Variants in FLT3 observed in about 807,000 individuals in gnomAD.
FLT3 encodes fms related receptor tyrosine kinase 3.
A neutral mutation model predicts 126.6 loss-of-function variants in FLT3; 46 were observed. That is an observed-to-expected ratio of 0.36 (90% CI 0.29 to 0.46). FLT3 has a LOEUF of 0.46. Among genes scored for constraint, FLT3 ranks in the 20% least tolerant of loss-of-function variants. FLT3 has a pLI of 1.00. For missense variants in FLT3, 1,069 were observed against 1,190.3 expected, an observed-to-expected ratio of 0.90 and a Z score of 1.50; for synonymous variants, 404 against 434.4, an observed-to-expected ratio of 0.93 and a Z score of 0.87.
chr13:28,099,525 C>T (rs1482609210), intron 1 of FLT3, among the ~76,000 whole-genome samples: 2 of 152,192 alleles, frequency 1.3e-5, no homozygotes, highest in Non-Finnish European at 2.9e-5. Flanking sequence ...CATTTCAGAG[C>T]TGAAGGGGAC....
intron 1 of FLT3, among the ~76,000 whole-genome samples, chr13:28,096,939 T>C (rs779119419): frequency 9.2e-5 from 14 of 152,174 alleles, no homozygotes; most frequent in Non-Finnish European, 1.5e-4. Flanking sequence ...GAAATAGGTA[T>C]TCTGTCAGGC....
chr13:28,016,809 A>G (rs185647137), intron 20 of FLT3, among the ~76,000 whole-genome samples: 2 of 152,344 alleles, frequency 1.3e-5, no homozygotes, highest in Admixed American at 1.3e-4. Context: ...ACTACATATG[A>G]GCAGTCTATG....
At chr13:28,061,545 C>A (rs902618258) in intron 3 of FLT3, among the ~76,000 whole-genome samples, 1 of 151,868 alleles carries the variant, frequency 6.6e-6, no homozygotes, top group Non-Finnish European at 1.5e-5. Flanking sequence ...GTGGGTGGAT[C>A]GCTTAAACCC....
In FLT3 at chr13:28,049,494, A is replaced by G. The variant is rs928259059; in HGVS notation, c.926T>C (p.Met309Thr). The G allele has an allele frequency of 6.2e-7, 1 of 1,613,440 alleles. No homozygotes were observed. Among genetic ancestry groups the G allele is most frequent in the Non-Finnish European group, 8.5e-7 (1 of 1,179,500 alleles). Residue 309 changes from methionine to threonine, a missense_variant, in exon 8 of 24, where the codon ATG becomes ACG. Coordinates refer to ENST00000241453, the MANE Select transcript of FLT3 (RefSeq NM_004119.3). The stretch of plus-strand genomic sequence containing the variant: ...TACAAAAGCAAACAGAATCCGTATC[A>G]TAGTTCTGTTTGTTGAATAGGTACT... The part of the protein sequence containing the change: ...EMSTYSTNRT[M>T]IRILFAFVSS...
intron 1 of FLT3, among the ~76,000 whole-genome samples, chr13:28,095,919 A>G (rs1879423310): frequency 6.6e-6 from 1 of 152,182 alleles, no homozygotes; most frequent in Non-Finnish European, 1.5e-5. Flanking sequence ...ACCTTTGCTT[A>G]AAGAATGATT....
At position 28,050,144 on chromosome 13, in the gene FLT3, G is replaced by A. The variant is rs2137730750; in HGVS notation, c.693C>T (p.Cys231=). The A allele has an allele frequency of 6.2e-7, 1 of 1,614,028 alleles. No individual in the cohort carries two copies. Among genetic ancestry groups the A allele is most frequent in the Non-Finnish European group, 8.5e-7 (1 of 1,179,886 alleles). Residue 231 remains cysteine, a synonymous_variant, in exon 6 of 24, where the codon TGC becomes TGT. Transcript: ENST00000241453. ...LHELFGTDIR[C]CARNELGREC... ...CCCTGCCCAGTTCATTTCTGGCACA[G>A]CACCTTATGTCCGTCCCAAATAATT...
Position 28,014,514 on chromosome 13 carries a change from G to A in FLT3, c.2797C>T (p.Arg933Trp), listed in dbSNP as rs770630954. The change falls in exon 23 of 24, where the codon CGG (arginine) becomes TGG (tryptophan). Residue 933 changes from arginine (R) to tryptophan (W), a missense_variant. Physicochemically the swap from Arg to Trp is moderately radical, Grantham distance 101. Coordinates refer to ENST00000241453, the MANE Select transcript of FLT3 (RefSeq NM_004119.3). ...QSCWAFDSRK[R>W]PSFPNLTSFL... ...GAAGTCAAATTAGGGAAGGATGGCC[G>A]TTTCCTTGAGTCAAAAGCCCAGCAG... The A allele has an allele frequency of 1.2e-5, 19 of 1,613,814 alleles. No individual in the cohort carries two copies. The highest frequency in any genetic ancestry group is 1.7e-5 in the Admixed American group (1 of 60,010).
chr13:28,058,336 G>A (rs943052098), intron 3 of FLT3, among the ~76,000 whole-genome samples: 1 of 151,324 alleles, frequency 6.6e-6, no homozygotes. Flanking sequence ...CCAACATGGA[G>A]AAACCCTGTC....
chr13:28,048,828 T>C (rs1416806326), intron 8 of FLT3, among the ~76,000 whole-genome samples: 2 of 152,200 alleles, frequency 1.3e-5, no homozygotes, highest in East Asian at 3.8e-4. Flanking sequence ...TATGGAACAC[T>C]TCCTTATTAA....
chr13:28,081,671 C>T (rs928683908), intron 1 of FLT3, among the ~76,000 whole-genome samples: 11 of 152,006 alleles, frequency 7.2e-5, no homozygotes, highest in South Asian at 6.2e-4. Flanking sequence ...GATATCCTCG[C>T]CTTGTTTCTG....
intron 2 of FLT3, among the ~76,000 whole-genome samples, chr13:28,068,528 T>C (rs1566095341): frequency 6.7e-6 from 1 of 150,278 alleles, no homozygotes; most frequent in Non-Finnish European, 1.5e-5. Flanking sequence ...CTATGATATA[T>C]ATCATATATA....
intron 23 of FLT3, among the ~76,000 whole-genome samples, chr13:28,011,457 G>C (rs1195648258): frequency 6.6e-6 from 1 of 152,136 alleles, no homozygotes; most frequent in Admixed American, 6.5e-5. Context: ...GACTAGATAG[G>C]ATTCTGCAGA....
chr13:28,074,165 T>C (rs535188065), intron 1 of FLT3, among the ~76,000 whole-genome samples: 5 of 152,228 alleles, frequency 3.3e-5, no homozygotes, highest in African/African-American at 9.6e-5. Flanking sequence ...TATGAACTGT[T>C]TTTTTATAGG....
At chr13:28,067,933 G>T in intron 2 of FLT3, 1 of 373,388 alleles carries the variant, frequency 2.7e-6, no homozygotes, top group Non-Finnish European at 5.3e-6. Flanking sequence ...TGAAATATGA[G>T]GTCATGATTG....
intron 2 of FLT3, among the ~76,000 whole-genome samples, chr13:28,066,446 T>C (rs188675142): frequency 2.3e-4 from 35 of 152,014 alleles, no homozygotes; most frequent in South Asian, 6.2e-4. Context: ...AAAAGAAAAA[T>C]ACAAGATGAA....
intron 9 of FLT3, among the ~76,000 whole-genome samples, chr13:28,043,711 A>C (rs1358749023): frequency 6.6e-6 from 1 of 152,244 alleles, no homozygotes; most frequent in African/African-American, 2.4e-5. Context: ...AGACGGGTGC[A>C]GTGGCACACG....
rs1404361323 is a variant in FLT3 at position 28,034,426 on chromosome 13, A to T, written c.1598-19T>A. 6.5e-7 allele frequency: 1 copy of T among 1,542,210 alleles called. No homozygotes were observed. Among genetic ancestry groups the T allele is most frequent in the Admixed American group, 1.7e-5 (1 of 59,596 alleles). ...AAGGGGCCTGCAACAAAAGAGTGTCACTCAGCGATGAAACAGAATTCCTGT... is the reference window on the plus strand; with the variant it reads ...AAGGGGCCTGCAACAAAAGAGTGTCTCTCAGCGATGAAACAGAATTCCTGT... On this transcript the variant is annotated intron_variant, in intron 12 of 23. Coordinates refer to ENST00000241453, the MANE Select transcript of FLT3 (RefSeq NM_004119.3).
At chr13:28,005,889 C>T (rs535041880) in intron 23 of FLT3, among the ~76,000 whole-genome samples, 1 of 152,226 alleles carries the variant, frequency 6.6e-6, no homozygotes, top group South Asian at 2.1e-4. Context: ...CAAAGTTGGG[C>T]CTTTTTCCTA....
chr13:28,044,068 G>T (rs976369749), intron 9 of FLT3, among the ~76,000 whole-genome samples: 4 of 150,246 alleles, frequency 2.7e-5, no homozygotes, highest in Non-Finnish European at 5.9e-5. Flanking sequence ...AATCACCTCC[G>T]CCAGGAGGAG....
Sources: allele counts gnomAD v4.1 joint callset (sites outside exome capture counted in the v4.1 genomes callset), GRCh38; gene constraint gnomAD v4.1.1; transcripts MANE v1.5; gene names NCBI Gene and HGNC (gene_info 2026-07-23, HGNC 2026-07-21).